Variants in ZNF33B observed in about 807,000 individuals in gnomAD.
The protein encoded by ZNF33B is zinc finger protein 11b (KOX 2).
ZNF33B carries 29 observed loss-of-function variants against 45.8 expected under a neutral mutation model. The ratio of observed to expected loss-of-function variants is 0.63; its 90% confidence interval spans 0.47 to 0.86. The LOEUF (loss-of-function observed/expected upper bound fraction) is 0.86, where lower values mean the gene tolerates loss of function less well. Among genes scored for constraint, ZNF33B ranks in the 40% least tolerant of loss-of-function variants. ZNF33B has a pLI of 0.00. For synonymous variants in ZNF33B, 305 were observed against 307.8 expected, an observed-to-expected ratio of 0.99 and a Z score of 0.10; for missense variants, 831 against 909.9, an observed-to-expected ratio of 0.91 and a Z score of 1.12.
intron 4 of ZNF33B, among the ~76,000 whole-genome samples, chr10:42,631,204 A>G (rs1226222121): frequency 6.6e-6 from 1 of 151,282 alleles, no homozygotes; most frequent in Non-Finnish European, 1.5e-5. Flanking sequence ...TTTTTTTTTT[A>G]TATTTATTTA....
chr10:42,604,742 C>T (rs202016637), intron 4 of ZNF33B, among the ~76,000 whole-genome samples: 1 of 151,652 alleles, frequency 6.6e-6, no homozygotes, highest in Non-Finnish European at 1.5e-5. Flanking sequence ...GGTGAAACCC[C>T]GGGGTCTCTA....
intron 4 of ZNF33B, chr10:42,605,009 G>A (rs1478341261): frequency 6.6e-6 from 1 of 151,516 alleles, no homozygotes; most frequent in Non-Finnish European, 1.5e-5. Flanking sequence ...TAAGTAATCT[G>A]AAGAACAGAG....
rs1836772509 is a variant in ZNF33B, at chr10:42,577,985, G to A, written c.74-3307C>T. ...AGGGGTCCTGGCCTAGGTGGAAGCA[G>A]GAGCCTCTGTGAAAACCACCCCTCC... is the stretch of plus-strand genomic sequence containing the variant. On this transcript the variant is annotated intron_variant, in intron 1 of 1. Coordinates refer to the ZNF33B transcript ENST00000462075. Among the ~76,000 whole-genome samples, 8 of 152,170 alleles carry A rather than the reference G, an allele frequency of 5.3e-5. No homozygotes were observed. The South Asian group carries it at 1.7e-3, about 32-fold the overall frequency.
intron 4 of ZNF33B, among the ~76,000 whole-genome samples, chr10:42,615,783 G>T (rs971682062): frequency 5.9e-5 from 9 of 151,988 alleles, no homozygotes; most frequent in African/African-American, 2.2e-4. Flanking sequence ...AAATTATCTG[G>T]GCATAGTGGT....
At chr10:42,634,943 A>G (rs1282082562) in intron 2 of ZNF33B, among the ~76,000 whole-genome samples, 2 of 152,220 alleles carry the variant, frequency 1.3e-5, no homozygotes, top group African/African-American at 4.8e-5. Flanking sequence ...TTTTTCTGTA[A>G]AAAATCAGAC....
At chr10:42,612,324 G>A (rs1408094090) in intron 4 of ZNF33B, among the ~76,000 whole-genome samples, 1 of 147,568 alleles carries the variant, frequency 6.8e-6, no homozygotes, top group Non-Finnish European at 1.5e-5. Flanking sequence ...CAACCTCTGC[G>A]TTCCAGGTTC....
Position 42,593,014 on chromosome 10 carries a change from A to G in ZNF33B, c.1936T>C (p.Phe646Leu), listed in dbSNP as rs762495345. The G allele has an allele frequency of 2.1e-5, 34 of 1,613,946 alleles. No individual in the cohort carries two copies. Among genetic ancestry groups the G allele is most frequent in the Non-Finnish European group, 2.8e-5 (33 of 1,179,992 alleles). The change falls in exon 5 of 5, where the codon TTC becomes CTC. Residue 646 changes from phenylalanine to leucine, a missense_variant. By Grantham distance (22) the Phe-to-Leu change is conservative. Transcript: ENST00000359467. ...PYECNECGKAFCHKSALIVHQ... is the reference protein window; with the variant it reads ...PYECNECGKALCHKSALIVHQ... ...ACAATTAGAGCTGACTTATGGCAGA[A>G]AGCTTTTCCACACTCATTACATTCA...
At chr10:42,618,831 A>G (rs1838444189) in intron 4 of ZNF33B, among the ~76,000 whole-genome samples, 1 of 152,048 alleles carries the variant, frequency 6.6e-6, no homozygotes, top group Non-Finnish European at 1.5e-5. Context: ...GGTGCACCTA[A>G]TGATATCCGT....
At chr10:42,615,045 A>G (rs1360594897) in intron 4 of ZNF33B, among the ~76,000 whole-genome samples, 1 of 152,202 alleles carries the variant, frequency 6.6e-6, no homozygotes, top group Non-Finnish European at 1.5e-5. Flanking sequence ...CTGGATTGGT[A>G]TAATAAATAA....
downstream of ZNF33B, among the ~76,000 whole-genome samples, chr10:42,588,120 T>C (rs558962428): frequency 7.2e-5 from 11 of 152,286 alleles, no homozygotes; most frequent in South Asian, 2.3e-3. Flanking sequence ...CTTTGGAAAG[T>C]GGGGCTCAAG....
At chr10:42,584,311 A>G (rs1564489035), downstream of ZNF33B, among the ~76,000 whole-genome samples, 1 of 151,972 alleles carries the variant, frequency 6.6e-6, no homozygotes, top group Non-Finnish European at 1.5e-5. Flanking sequence ...CAAGGACACT[A>G]CTCAGCCTCC....
intron 4 of ZNF33B, among the ~76,000 whole-genome samples, chr10:42,628,533 TC>T (rs1838914778): frequency 6.6e-6 from 1 of 152,246 alleles, no homozygotes. Context: ...ACATTTAGGA[TC>T]ATTGCATTTT....
At chr10:42,605,077 T>G (rs1837782090) in intron 4 of ZNF33B, 2 of 151,880 alleles carry the variant, frequency 1.3e-5, no homozygotes, top group South Asian at 4.2e-4. Context: ...TACCATTAAC[T>G]ACACCAATAT....
chr10:42,583,080 G>T, intron 1 of ZNF33B: 3 of 811,384 alleles, frequency 3.7e-6, no homozygotes, highest in Non-Finnish European at 6.5e-6. Flanking sequence ...CACTGCAAGG[G>T]TTTAATCCAA....
At chr10:42,623,114 A>G (rs1267010001) in intron 4 of ZNF33B, among the ~76,000 whole-genome samples, 2 of 152,196 alleles carry the variant, frequency 1.3e-5, no homozygotes, top group Non-Finnish European at 2.9e-5. Context: ...TAAAGCCACA[A>G]AAATTAGCTG....
chr10:42,592,533 C>A lies in ZNF33B; in HGVS notation c.*80G>T. 2 of 1,516,580 alleles carry A rather than the reference C, an allele frequency of 1.3e-6. No individual in the cohort carries two copies. Among genetic ancestry groups the A allele is most frequent in the South Asian group, 2.6e-5 (2 of 75,754 alleles). The allele number at this position is 1,516,580 out of a possible 1,614,324, so 93.9% of individuals were successfully genotyped here. A position where few individuals can be genotyped will look rare whatever the true frequency, so the allele number is the denominator to read the frequency against. ...GATAGTTATTGAACATTCAGGATGT[C>A]AACAGGCCCTTCTCCACAGTGTGAA... On this transcript the variant is annotated 3_prime_UTR_variant, in exon 5 of 5. Transcript: ENST00000359467.
chr10:42,632,061 A>C, intron 3 of ZNF33B, 37 bp from the exon 4 acceptor site: 1 of 1,602,816 alleles, frequency 6.2e-7, no homozygotes, highest in African/African-American at 1.3e-5. Flanking sequence ...TGGACCAAGC[A>C]GTCTAGACTT....
At chr10:42,601,217 C>T (rs1837603187) in intron 4 of ZNF33B, among the ~76,000 whole-genome samples, 1 of 152,166 alleles carries the variant, frequency 6.6e-6, no homozygotes, top group Non-Finnish European at 1.5e-5. Flanking sequence ...TTGAGGACTT[C>T]ATTTTAACAC....
chr10:42,611,454 A>G (rs1264819354), intron 4 of ZNF33B, among the ~76,000 whole-genome samples: 1 of 152,204 alleles, frequency 6.6e-6, no homozygotes, highest in Non-Finnish European at 1.5e-5. Context: ...ATATACAAAA[A>G]CTAACTGAAA....
Sources: gnomAD v4.1 joint callset for allele counts (sites outside exome capture counted in the v4.1 genomes callset) on GRCh38, gnomAD v4.1.1 for gene constraint, MANE v1.5 for transcripts, NCBI Gene and HGNC (gene_info 2026-07-23, HGNC 2026-07-21) for gene names.